TPO: variants seen among roughly 807,000 people sequenced by gnomAD.
TPO encodes thyroid peroxidase.
TPO carries 78 observed loss-of-function variants against 96.9 expected under a neutral mutation model. The ratio of observed to expected loss-of-function variants is 0.81; its 90% CI spans 0.67 to 0.97. TPO has a LOEUF of 0.97. TPO is among the 50% of genes least tolerant of loss of function. TPO has a pLI of 0.00. For missense variants in TPO, 1,252 were observed against 1,274.8 expected (o/e 0.98, Z 0.27); for synonymous variants, 547 against 538.0 (o/e 1.02, Z -0.23).
chr2:1,515,657 G>A (rs555158279), intron 14 of TPO, among the ~76,000 whole-genome samples: 2 of 152,238 alleles, frequency 1.3e-5, no homozygotes, highest in Admixed American at 1.3e-4. Flanking sequence ...CCTGTGTCCG[G>A]GCTGCAAATG....
At chr2:1,465,504 C>T in intron 7 of TPO, among the ~76,000 whole-genome samples, 1 of 151,970 alleles carries the variant, frequency 6.6e-6, no homozygotes, top group East Asian at 1.9e-4. Flanking sequence ...TGGTTGTTTT[C>T]ACAATATTGA....
intron 1 of TPO, among the ~76,000 whole-genome samples, chr2:1,384,564 A>G (rs1177851066): frequency 2.6e-5 from 4 of 152,190 alleles, no homozygotes; most frequent in East Asian, 1.9e-4. Context: ...TTGATTTTGT[A>G]TCCTGAGACT....
At chr2:1,422,377 C>T (rs1003737873) in intron 2 of TPO, among the ~76,000 whole-genome samples, 3 of 142,140 alleles carry the variant, frequency 2.1e-5, no homozygotes, top group South Asian at 2.1e-4. Flanking sequence ...GGACCGACCT[C>T]GTGCAGGCGC....
At chr2:1,500,715 C>T (rs1308934959) in intron 13 of TPO, among the ~76,000 whole-genome samples, 1 of 152,062 alleles carries the variant, frequency 6.6e-6, no homozygotes, top group East Asian at 1.9e-4. Context: ...GCCTGTAATC[C>T]CAGCACTTTG....
chr2:1,477,256 T>C lies in TPO; in HGVS notation c.990T>C (p.Tyr330=). Residue 330 remains tyrosine, a synonymous_variant, in exon 8 of 17, where the codon TAT becomes TAC. Coordinates refer to ENST00000329066, the MANE Select transcript of TPO (RefSeq NM_001206744.2). ...LTSFLDASTV[Y]GSSPALERQL... ...CGTTCCTGGACGCGTCCACCGTGTA[T>C]GGCAGCTCCCCGGCCCTAGAGAGGC... 1 of 1,606,900 alleles carries C rather than the reference T, an allele frequency of 6.2e-7. No individual in the cohort carries two copies. Among genetic ancestry groups the C allele is most frequent in the Non-Finnish European group, 8.5e-7 (1 of 1,177,798 alleles).
intron 2 of TPO, among the ~76,000 whole-genome samples, chr2:1,419,585 T>C (rs114318648): frequency 0.013 from 2,036 of 152,304 alleles, 46 homozygotes; most frequent in African/African-American, 0.045. Context: ...CTCAACAGCC[T>C]GGAACCAGCC....
intron 14 of TPO, among the ~76,000 whole-genome samples, chr2:1,505,743 C>A (rs970882034): frequency 6.6e-6 from 1 of 152,036 alleles, no homozygotes; most frequent in African/African-American, 2.4e-5. Flanking sequence ...ATCCTCCACC[C>A]CTCAACAGGC....
chr2:1,465,988 C>G (rs1351507210), intron 7 of TPO, among the ~76,000 whole-genome samples: 1 of 152,156 alleles, frequency 6.6e-6, no homozygotes, highest in Non-Finnish European at 1.5e-5. Context: ...AGAGGGAATG[C>G]TTTCAACTTT....
rs952983061 is a variant in TPO, at chr2:1,422,389, G to A, written c.95-656G>A. Among the ~76,000 whole-genome samples, 56 of 50,094 alleles carry A rather than the reference G, an allele frequency of 1.1e-3. 2 individuals are homozygous for A. The South Asian group carries it at 0.037, about 33-fold the overall frequency. 32.9% of individuals were successfully genotyped at this position (50,094 alleles called of 152,430 possible). A position where few individuals can be genotyped will look rare whatever the true frequency, so the allele number is the denominator to read the frequency against. ...GCTGGACCGACCTCGTGCAGGCGCC[G>A]CGCTGGGCCATGGGGAGAGCGAGAG... On this transcript the variant is annotated intron_variant, in intron 2 of 16. Coordinates refer to ENST00000329066, the MANE Select transcript of TPO (RefSeq NM_001206744.2).
At chr2:1,385,226 A>T (rs1661872205) in intron 1 of TPO, among the ~76,000 whole-genome samples, 1 of 152,144 alleles carries the variant, frequency 6.6e-6, no homozygotes, top group Admixed American at 6.5e-5. Context: ...GGCCTCATAA[A>T]ATGAGTTAGG....
Position 1,415,383 on chromosome 2 carries a change from G to A in TPO, c.94+881G>A, listed in dbSNP as rs182596398. Among the ~76,000 whole-genome samples, 49 of 142,782 alleles carry A rather than the reference G, an allele frequency of 3.4e-4. No individual in the cohort carries two copies. The East Asian group carries it at 0.01, about 30-fold the overall frequency. 93.7% of individuals were successfully genotyped at this position (142,782 alleles called of 152,430 possible). On this transcript the variant is annotated intron_variant, in intron 2 of 16. Transcript: ENST00000329066. ...TCGCCGGGCAGGTCCCTGGGCCTCTGGACACAGTCTCGGGGCCCCTGGAGC... is the reference window on the plus strand; with the variant it reads ...TCGCCGGGCAGGTCCCTGGGCCTCTAGACACAGTCTCGGGGCCCCTGGAGC...
chr2:1,465,129 A>G (rs576339432), intron 7 of TPO, among the ~76,000 whole-genome samples: 2 of 152,188 alleles, frequency 1.3e-5, no homozygotes, highest in Non-Finnish European at 2.9e-5. Context: ...CTTGCCAATT[A>G]TCGCAGCATC....
chr2:1,537,968 C>T (rs1415389467), intron 15 of TPO, among the ~76,000 whole-genome samples: 4 of 100,870 alleles, frequency 4.0e-5, no homozygotes, highest in Non-Finnish European at 7.8e-5. Flanking sequence ...TGTGTGCAAC[C>T]TTCTCAAATC....
At chr2:1,471,576 A>T (rs2148654260) in intron 7 of TPO, among the ~76,000 whole-genome samples, 1 of 152,132 alleles carries the variant, frequency 6.6e-6, no homozygotes, top group African/African-American at 2.4e-5. Flanking sequence ...GTAAAACTTA[A>T]ACTGTGCCTG....
intron 5 of TPO, among the ~76,000 whole-genome samples, chr2:1,445,272 C>T (rs1666666729): frequency 7.8e-6 from 1 of 128,998 alleles, no homozygotes; most frequent in Non-Finnish European, 1.7e-5. Context: ...CCAATCACTG[C>T]TGCAGGAGGC....
chr2:1,526,683 C>A (rs1676582896), intron 15 of TPO, among the ~76,000 whole-genome samples: 1 of 101,948 alleles, frequency 9.8e-6, no homozygotes, highest in Admixed American at 1.1e-4. Context: ...TTCATCCTCC[C>A]CAAATCCCCC....
chr2:1,485,059 A>ACTCCCCCCCC (rs1671013289), intron 9 of TPO, among the ~76,000 whole-genome samples: 1 of 147,748 alleles, frequency 6.8e-6, no homozygotes, highest in African/African-American at 2.5e-5. Context: ...CCTCCCCCTG[A>ACTCCCCCCCC]CCCCCACCCC....
chr2:1,540,899 A>G, intron 16 of TPO, 176 bp downstream of exon 16: 1 of 1,545,694 alleles, frequency 6.5e-7, no homozygotes, highest in Non-Finnish European at 8.7e-7. Flanking sequence ...AGTGAGCCAG[A>G]ATGTGAGCCT....
chr2:1,380,256 T>C (rs531475869), intron 1 of TPO, among the ~76,000 whole-genome samples: 4 of 151,856 alleles, frequency 2.6e-5, no homozygotes, highest in South Asian at 2.1e-4. Context: ...TAGCAGGGCG[T>C]GGTGGCGGGC....
Sources: gnomAD v4.1 joint callset for allele counts (sites outside exome capture counted in the v4.1 genomes callset) on GRCh38, gnomAD v4.1.1 for gene constraint, MANE v1.5 for transcripts, NCBI Gene and HGNC (gene_info 2026-07-23, HGNC 2026-07-21) for gene names.